The following ARHGAP31 variants were observed in gnomAD, a reference collection of about 807,000 sequenced individuals.
The protein encoded by ARHGAP31 is Rho GTPase activating protein 31, also known as rho GTPase-activating protein 31.
In ARHGAP31, 34 loss-of-function variants were observed where a neutral mutation model predicts 113.9. That is an observed-to-expected ratio of 0.30 (90% confidence interval 0.23 to 0.40). ARHGAP31 has a LOEUF of 0.40. Ranked by LOEUF, ARHGAP31 falls within the 10% of genes least tolerant of loss-of-function variation. The pLI is 1.00. For synonymous variants in ARHGAP31, 650 were observed against 684.8 expected, an observed-to-expected ratio of 0.95 and a Z score of 0.79; for missense variants, 1,548 against 1,767.1, an observed-to-expected ratio of 0.88 and a Z score of 2.22.
rs1433480259 is a variant in ARHGAP31, at chr3:119,419,849, T to C, written c.*3585T>C. On this transcript the variant is annotated 3_prime_UTR_variant, in exon 12 of 12. Transcript: ENST00000264245. ...TAGGCTAGAATAGTGGCAACTAGGT[T>C]CGGAGGTTTCGTGTGGTCATAATTG... The C allele has an allele frequency of 2.0e-5, 3 of 152,218 alleles. No individual in the cohort carries two copies. The highest frequency in any genetic ancestry group is 7.2e-5 in the African/African-American group (3 of 41,464). 9.4% of individuals were successfully genotyped at this position (152,218 alleles called of 1,614,324 possible). A position where few individuals can be genotyped will look rare whatever the true frequency, so the allele number is the denominator to read the frequency against.
chr3:119,353,809 A>G lies in ARHGAP31; in HGVS notation c.101-11507A>G, dbSNP rs1042366642. ...TCTCAAAAAAAAAAAAAAAAAAAAA[A>G]GTGTGTAGCTCAGGGACCACTGCAT... On this transcript the variant is annotated intron_variant, in intron 1 of 11. Transcript: ENST00000264245. Among the ~76,000 whole-genome samples the G allele has an allele frequency of 1.3e-4, 18 of 134,720 alleles. No individual in the cohort carries two copies. The South Asian group carries it at 3.9e-3, about 29-fold the overall frequency. The allele number at this position is 134,720 out of a possible 152,430, so 88.4% of individuals were successfully genotyped here. A position where few individuals can be genotyped will look rare whatever the true frequency, so the allele number is the denominator to read the frequency against.
intron 1 of ARHGAP31, among the ~76,000 whole-genome samples, chr3:119,358,247 C>T (rs2080175796): frequency 6.6e-6 from 1 of 152,116 alleles, no homozygotes; most frequent in African/African-American, 2.4e-5. Flanking sequence ...GGCCAGTAAG[C>T]ACAAGAAAAG....
Position 119,382,410 on chromosome 3 carries a change from T to C in ARHGAP31, c.539+11T>C, listed in dbSNP as rs374706861. On this transcript the variant is annotated intron_variant, in intron 5 of 11. Coordinates refer to ENST00000264245, the MANE Select transcript of ARHGAP31 (RefSeq NM_020754.4). ...GCCAAACCTCCTCAGGTAACCACTC[T>C]ACCCTCCCCTTGTCACCAGCCCAGG... is the stretch of plus-strand genomic sequence containing the variant. The C allele has an allele frequency of 3.4e-5, 55 of 1,611,106 alleles. No homozygotes were observed. In the African/African-American group the frequency reaches 6.5e-4, roughly 19 times the overall value.
intron 1 of ARHGAP31, among the ~76,000 whole-genome samples, chr3:119,339,008 T>C (rs1192972632): frequency 6.6e-6 from 1 of 152,240 alleles, no homozygotes; most frequent in East Asian, 1.9e-4. Context: ...TTCAGAGTCA[T>C]GAATTACTTG....
At chr3:119,393,913 T>C (rs1053750678) in intron 8 of ARHGAP31, among the ~76,000 whole-genome samples, 1 of 152,244 alleles carries the variant, frequency 6.6e-6, no homozygotes, top group African/African-American at 2.4e-5. Flanking sequence ...GCTGTCCCAC[T>C]ACTGTTCTTT....
chr3:119,390,921 G>A lies in ARHGAP31; in HGVS notation c.819G>A (p.Leu273=). ...GCAAGGAAAGGAGGGAGAACAGCCT[G>A]CCTGAGATTGTCCCTCCCATGGGCA... ...PARKERRENS[L]PEIVPPMGTL... is the part of the protein sequence containing the mutation. Residue 273 remains leucine (L), a synonymous_variant, in exon 7 of 12, where the codon CTG becomes CTA. Coordinates refer to ENST00000264245, the MANE Select transcript of ARHGAP31 (RefSeq NM_020754.4). 1 of 1,614,214 alleles carries A rather than the reference G, an allele frequency of 6.2e-7. No individual in the cohort carries two copies. Among genetic ancestry groups the A allele is most frequent in the Non-Finnish European group, 8.5e-7 (1 of 1,180,048 alleles).
At chr3:119,327,874 A>T (rs1421415005) in intron 1 of ARHGAP31, among the ~76,000 whole-genome samples, 1 of 152,246 alleles carries the variant, frequency 6.6e-6, no homozygotes, top group Non-Finnish European at 1.5e-5. Flanking sequence ...TTTTGGTGTT[A>T]CCAGCACAAG....
chr3:119,332,452 G>A (rs1448297051), intron 1 of ARHGAP31, among the ~76,000 whole-genome samples: 3 of 151,802 alleles, frequency 2.0e-5, no homozygotes, highest in African/African-American at 2.4e-5. Context: ...CACCCACCTC[G>A]GCCTCCCAAA....
Position 119,370,917 on chromosome 3 carries a change from C to G in ARHGAP31, c.348+2401C>G, listed in dbSNP as rs2080292117. ...AAAGTTCTTGTTTAAAATTTTGTCA[C>G]AAATTACCAGTCTGTCCTCCAGAAA... On this transcript the variant is annotated intron_variant, in intron 3 of 11. Coordinates refer to ENST00000264245, the MANE Select transcript of ARHGAP31 (RefSeq NM_020754.4). Among the ~76,000 whole-genome samples, 3 of 152,170 alleles carry G rather than the reference C, an allele frequency of 2.0e-5. No homozygotes were observed. In the South Asian group the frequency reaches 6.2e-4, roughly 32 times the overall value.
intron 1 of ARHGAP31, chr3:119,341,889 A>G (rs1487759792): frequency 6.6e-6 from 1 of 151,674 alleles, no homozygotes; most frequent in Non-Finnish European, 1.5e-5. Flanking sequence ...GAGCCATGCT[A>G]ATCTTCTCTG....
chr3:119,329,055 C>T (rs1276702758), intron 1 of ARHGAP31, among the ~76,000 whole-genome samples: 5 of 152,100 alleles, frequency 3.3e-5, no homozygotes, highest in East Asian at 3.8e-4. Context: ...ATGTTGGAAC[C>T]TCATGACATG....
chr3:119,318,898 C>G (rs1314771371), intron 1 of ARHGAP31, among the ~76,000 whole-genome samples: 11 of 151,918 alleles, frequency 7.2e-5, no homozygotes, highest in African/African-American at 2.7e-4. Context: ...TTAGATGGAC[C>G]TCTATCTCTT....
chr3:119,381,975 G>A (rs1422621261), intron 4 of ARHGAP31, among the ~76,000 whole-genome samples: 10 of 127,542 alleles, frequency 7.8e-5, no homozygotes, highest in Non-Finnish European at 1.6e-4. Context: ...GACAGAGCGA[G>A]ACTCCGTCTC....
intron 1 of ARHGAP31, among the ~76,000 whole-genome samples, chr3:119,302,403 T>C (rs1375232238): frequency 6.6e-6 from 1 of 152,152 alleles, no homozygotes; most frequent in Non-Finnish European, 1.5e-5. Context: ...CAGAGTTTGA[T>C]AGAGAAAGAT....
chr3:119,336,344 C>T (rs1257648367), intron 1 of ARHGAP31, among the ~76,000 whole-genome samples: 1 of 152,124 alleles, frequency 6.6e-6, no homozygotes, highest in Non-Finnish European at 1.5e-5. Flanking sequence ...AGACTTTTCT[C>T]TACATATAAG....
intron 1 of ARHGAP31, among the ~76,000 whole-genome samples, chr3:119,299,804 T>C (rs943956321): frequency 1.3e-5 from 2 of 152,332 alleles, no homozygotes; most frequent in African/African-American, 2.4e-5. Context: ...TCCAATTAAA[T>C]AGACAAGATA....
chr3:119,398,342 G>T (rs930353400), intron 8 of ARHGAP31, among the ~76,000 whole-genome samples: 1 of 152,126 alleles, frequency 6.6e-6, no homozygotes, highest in African/African-American at 2.4e-5. Flanking sequence ...CCCAAAAGCG[G>T]CAGAGCTGGA....
chr3:119,335,063 G>A (rs1175117578), intron 1 of ARHGAP31, among the ~76,000 whole-genome samples: 1 of 149,564 alleles, frequency 6.7e-6, no homozygotes, highest in African/African-American at 2.5e-5. Context: ...CTCAGAATTT[G>A]AAATTCATTT....
intron 3 of ARHGAP31, among the ~76,000 whole-genome samples, chr3:119,370,376 C>G (rs1363945613): frequency 1.3e-5 from 2 of 152,126 alleles, no homozygotes; most frequent in Admixed American, 1.3e-4. Flanking sequence ...TGTGGGTATT[C>G]TTTCCATAGT....
Sources: gnomAD v4.1 joint callset for allele counts (sites outside exome capture counted in the v4.1 genomes callset) on GRCh38, gnomAD v4.1.1 for gene constraint, MANE v1.5 for transcripts, NCBI Gene and HGNC (gene_info 2026-07-23, HGNC 2026-07-21) for gene names.